MYO5A: variants seen among roughly 807,000 people sequenced by gnomAD.
MYO5A encodes myosin VA.
Under a neutral mutation model 249.7 loss-of-function variants are expected in MYO5A, and 98 were observed. The ratio of observed to expected loss-of-function variants is 0.39; its 90% CI spans 0.33 to 0.46. MYO5A has a LOEUF of 0.46. Among genes scored for constraint, MYO5A ranks in the 20% least tolerant of loss-of-function variants. MYO5A has a pLI of 0.98. For missense variants in MYO5A, 1,696 were observed against 2,308.8 expected, an observed-to-expected ratio of 0.73 and a Z score of 5.44; for synonymous variants, 778 against 810.6, an observed-to-expected ratio of 0.96 and a Z score of 0.68.
Position 52,370,299 on chromosome 15 carries a change from T to C in MYO5A, c.2936A>G (p.Lys979Arg). 6.2e-7 allele frequency: 1 copy of C among 1,614,150 alleles called. No homozygotes were observed. Among genetic ancestry groups the C allele is most frequent in the Non-Finnish European group, 8.5e-7 (1 of 1,180,008 alleles). Residue 979 changes from lysine to arginine, a missense_variant, in exon 22 of 42, where the codon AAA (lysine) becomes AGA (arginine). Around this residue, in one of 5 missense-constraint regions of MYO5A, gnomAD observed 412 missense variants for 453.3 expected, o/e 0.91. Coordinates refer to ENST00000399233, the MANE Select transcript of MYO5A (RefSeq NM_001382347.1). ...ERLQLSEEEA[K>R]VATGRVLSLQ... is the part of the protein sequence containing the mutation. ...ACTAAGGACCCGCCCAGTGGCAACT[T>C]TCGCTTCCTCTTCACTTAGTTGAAG...
At chr15:52,371,159 G>A (rs545721587) in intron 21 of MYO5A, among the ~76,000 whole-genome samples, 246 of 150,300 alleles carry the variant, frequency 1.6e-3, no homozygotes, top group African/African-American at 5.8e-3. Context: ...ACACACACAC[G>A]TTTCTCACAA....
At chr15:52,357,949 C>A (rs1442272549) in intron 25 of MYO5A, among the ~76,000 whole-genome samples, 2 of 152,214 alleles carry the variant, frequency 1.3e-5, no homozygotes, top group East Asian at 1.9e-4. Flanking sequence ...ACAGGCCTGG[C>A]AGTCATTCTG....
chr15:52,428,725 T>C (rs767225245), intron 2 of MYO5A, among the ~76,000 whole-genome samples, 156 bp from the exon 3 acceptor site: 2 of 152,216 alleles, frequency 1.3e-5, no homozygotes, highest in Non-Finnish European at 2.9e-5. Flanking sequence ...CTGGTGGAGA[T>C]GGAAACAATA....
Position 52,397,461 on chromosome 15 carries a change from C to A in MYO5A, c.1059G>T (p.Lys353Asn), listed in dbSNP as rs2042540001. The A allele has an allele frequency of 6.2e-7, 1 of 1,613,778 alleles. No individual in the cohort carries two copies. Among genetic ancestry groups the A allele is most frequent in the Admixed American group, 1.7e-5 (1 of 59,974 alleles). The change falls in exon 10 of 42, where the codon AAG becomes AAT. Residue 353 changes from lysine (K) to asparagine (N), a missense_variant. This residue lies in a region of MYO5A where 185 missense variants were observed against 204.8 expected (regional missense o/e 0.90). Transcript: ENST00000399233. ...CACAGAAGATGCAGAGAGGTTCATG[C>A]TTGGGCTGCCAAAAGATAATGAGTT... ...RDADSCTIPP[K>N]HEPLCIFCEL... is the part of the protein sequence containing the mutation.
chr15:52,384,047 G>T, intron 15 of MYO5A, 114 bp downstream of exon 15: 1 of 1,286,824 alleles, frequency 7.8e-7, no homozygotes, highest in Non-Finnish European at 1.1e-6. Context: ...CACAGTGAAA[G>T]CTCTAGGCTC....
chr15:52,357,381 T>C (rs1257887878), intron 25 of MYO5A, among the ~76,000 whole-genome samples: 2 of 151,282 alleles, frequency 1.3e-5, no homozygotes, highest in Non-Finnish European at 2.9e-5. Context: ...CTTTGAGCCT[T>C]GAATGGGCAC....
At chr15:52,331,997 T>A (rs1344193839) in intron 34 of MYO5A, among the ~76,000 whole-genome samples, 1 of 152,204 alleles carries the variant, frequency 6.6e-6, no homozygotes, top group African/African-American at 2.4e-5. Context: ...TGGTTTTACA[T>A]AATTTCTGGT....
At chr15:52,450,865 T>TTTG (rs1555454735) in intron 1 of MYO5A, among the ~76,000 whole-genome samples, 1 of 90,918 alleles carries the variant, frequency 1.1e-5, no homozygotes, top group African/African-American at 5.3e-5. Context: ...TTTTTTTTTT[T>TTTG]GTGACAGGGT....
intron 35 of MYO5A, 72 bp from the exon 36 acceptor site, chr15:52,328,078 AAC>A: frequency 2.4e-6 from 3 of 1,259,454 alleles, no homozygotes; most frequent in Non-Finnish European, 3.4e-6. Flanking sequence ...GAGATATAAA[AAC>A]ACAGTTGTCA....
chr15:52,441,505 A>G (rs1401641743), intron 1 of MYO5A, among the ~76,000 whole-genome samples: 3 of 152,170 alleles, frequency 2.0e-5, no homozygotes, highest in East Asian at 1.9e-4. Context: ...TGCCACTTCT[A>G]TTCTCCAGTC....
intron 18 of MYO5A, among the ~76,000 whole-genome samples, chr15:52,376,870 A>G (rs1332473376): frequency 6.6e-6 from 1 of 152,218 alleles, no homozygotes. Context: ...AAACATCTCA[A>G]GGAAATGGAG....
chr15:52,323,045 C>T (rs1447301894), intron 37 of MYO5A, among the ~76,000 whole-genome samples: 7 of 152,062 alleles, frequency 4.6e-5, no homozygotes, highest in African/African-American at 1.7e-4. Context: ...TTAAATAGTT[C>T]ACTATTCTGA....
chr15:52,358,717 C>T (rs1222937422), intron 25 of MYO5A, among the ~76,000 whole-genome samples: 2 of 152,060 alleles, frequency 1.3e-5, no homozygotes, highest in Non-Finnish European at 2.9e-5. Context: ...GGCACTCCGA[C>T]CACCACCACA....
At chr15:52,516,929 TTC>T (rs1396060609) in intron 1 of MYO5A, among the ~76,000 whole-genome samples, 1 of 152,208 alleles carries the variant, frequency 6.6e-6, no homozygotes, top group Non-Finnish European at 1.5e-5. Context: ...AGTTCAATTA[TTC>T]TCTCTGGCAC....
At chr15:52,414,490 T>A (rs772646742) in intron 5 of MYO5A, among the ~76,000 whole-genome samples, 20 of 152,118 alleles carry the variant, frequency 1.3e-4, no homozygotes, top group Non-Finnish European at 1.8e-4. Context: ...TTGAAAGAGG[T>A]CATAAAATAG....
intron 2 of MYO5A, among the ~76,000 whole-genome samples, chr15:52,432,380 A>C (rs2075559315): frequency 6.6e-6 from 1 of 152,276 alleles, no homozygotes; most frequent in Non-Finnish European, 1.5e-5. Context: ...CAGTAACTTT[A>C]CAGTGGATAA....
intron 4 of MYO5A, among the ~76,000 whole-genome samples, chr15:52,425,124 A>G (rs542011349): frequency 4.6e-5 from 7 of 152,182 alleles, no homozygotes; most frequent in Non-Finnish European, 1.0e-4. Flanking sequence ...TTTAGATTTA[A>G]TTCCCTAGGA....
At chr15:52,346,158 T>C (rs2039615516) in intron 30 of MYO5A, among the ~76,000 whole-genome samples, 1 of 152,222 alleles carries the variant, frequency 6.6e-6, no homozygotes, top group South Asian at 2.1e-4. Context: ...ACATTTTCCC[T>C]GACACCTTTT....
chr15:52,375,191 G>T, intron 20 of MYO5A, 113 bp downstream of exon 20: 1 of 1,055,486 alleles, frequency 9.5e-7, no homozygotes, highest in Non-Finnish European at 1.4e-6. Flanking sequence ...TCAATAGCTG[G>T]TTGTCCCCAT....
Sources: allele counts gnomAD v4.1 joint callset (sites outside exome capture counted in the v4.1 genomes callset), GRCh38; gene constraint gnomAD v4.1.1; regional missense constraint gnomAD v4.1.1; transcripts MANE v1.5; gene names NCBI Gene and HGNC (gene_info 2026-07-23, HGNC 2026-07-21).